AP3S1: variants seen among roughly 807,000 people sequenced by gnomAD.
AP3S1 encodes the protein AP-3 complex subunit sigma-1.
A neutral mutation model predicts 21.3 loss-of-function variants in AP3S1; 12 were observed. The ratio of observed to expected loss-of-function variants is 0.56; its 90% CI spans 0.36 to 0.91. The LOEUF (loss-of-function observed/expected upper bound fraction) is 0.91, where lower values mean the gene tolerates loss of function less well. AP3S1 is among the 40% of genes least tolerant of loss of function. AP3S1 has a pLI of 0.01. For missense variants in AP3S1, 116 were observed against 225.0 expected (o/e 0.52, Z 3.10); for synonymous variants, 48 against 78.4 (o/e 0.61, Z 2.05).
intron 3 of AP3S1, among the ~76,000 whole-genome samples, chr5:115,880,982 G>C (rs1749227628): frequency 6.6e-6 from 1 of 151,584 alleles, no homozygotes; most frequent in Admixed American, 6.6e-5. Flanking sequence ...GATCTTTGTT[G>C]GTTTAAAGTC....
intron 5 of AP3S1, among the ~76,000 whole-genome samples, chr5:115,905,411 A>G (rs1195896425): frequency 6.6e-6 from 1 of 152,226 alleles, no homozygotes; most frequent in East Asian, 1.9e-4. Flanking sequence ...ATCATCTCGC[A>G]TCATACATAA....
chr5:115,888,324 G>A (rs573264321), intron 3 of AP3S1, among the ~76,000 whole-genome samples: 4 of 151,964 alleles, frequency 2.6e-5, no homozygotes, highest in East Asian at 1.9e-4. Flanking sequence ...TAGAACCATC[G>A]AGACTCTAAT....
intron 4 of AP3S1, among the ~76,000 whole-genome samples, chr5:115,900,536 A>AT (rs969721475): frequency 6.0e-4 from 91 of 152,248 alleles, no homozygotes; most frequent in African/African-American, 2.0e-3. Flanking sequence ...AGGAGCCCTG[A>AT]TTCCTTTTTG....
At chr5:115,879,294 T>C (rs892492805) in intron 3 of AP3S1, among the ~76,000 whole-genome samples, 2 of 152,248 alleles carry the variant, frequency 1.3e-5, no homozygotes, top group African/African-American at 2.4e-5. Context: ...AAGGGAATGC[T>C]TCCAGCTTTT....
intron 3 of AP3S1, among the ~76,000 whole-genome samples, chr5:115,885,045 C>A (rs985339321): frequency 6.6e-6 from 1 of 152,218 alleles, no homozygotes; most frequent in African/African-American, 2.4e-5. Context: ...GAAGTCTGCA[C>A]TAACATGACG....
intron 2 of AP3S1, among the ~76,000 whole-genome samples, chr5:115,869,466 T>C (rs1748025741): frequency 6.6e-6 from 1 of 152,194 alleles, no homozygotes; most frequent in South Asian, 2.1e-4. Context: ...TACTAATCTT[T>C]TCTTATCTAC....
chr5:115,845,034 C>G (rs564456002), intron 1 of AP3S1, among the ~76,000 whole-genome samples: 2 of 152,300 alleles, frequency 1.3e-5, no homozygotes, highest in African/African-American at 4.8e-5. Flanking sequence ...TTCCTTCTAT[C>G]TCTTAAAATG....
In AP3S1 at chr5:115,870,186, A is replaced by G. The variant is rs936038012; in HGVS notation, c.273+58A>G. ...TAACAGTTTGACATTTAAATTTTTA[A>G]AAACTTATATATTCTAAATTTTCTA... On this transcript the variant is annotated intron_variant, in intron 3 of 5. Coordinates refer to ENST00000316788, the MANE Select transcript of AP3S1 (RefSeq NM_001284.4). 8 of 1,082,918 alleles carry G rather than the reference A, an allele frequency of 7.4e-6. No individual in the cohort carries two copies. The African/African-American group carries it at 1.1e-4, about 15-fold the overall frequency. The allele number at this position is 1,082,918 out of a possible 1,614,324, so 67.1% of individuals were successfully genotyped here.
At chr5:115,863,060 C>G (rs1763318968) in intron 1 of AP3S1, among the ~76,000 whole-genome samples, 1 of 152,002 alleles carries the variant, frequency 6.6e-6, no homozygotes, top group Non-Finnish European at 1.5e-5. Context: ...GTCAGGAGTT[C>G]GAGACCAGCC....
At chr5:115,893,202 G>A (rs1214670741) in intron 3 of AP3S1, among the ~76,000 whole-genome samples, 2 of 152,042 alleles carry the variant, frequency 1.3e-5, no homozygotes, top group Non-Finnish European at 2.9e-5. Flanking sequence ...TGCCACTAGC[G>A]ATGGTGGAAG....
chr5:115,859,071 A>G (rs58463583), intron 1 of AP3S1, among the ~76,000 whole-genome samples: 25,655 of 152,106 alleles, frequency 0.17, 3,002 homozygotes, highest in East Asian at 0.35. Flanking sequence ...CAGCTGTCCA[A>G]TAATCCTTGA....
intron 4 of AP3S1, among the ~76,000 whole-genome samples, chr5:115,900,816 C>T (rs1169705832): frequency 2.0e-5 from 3 of 152,136 alleles, no homozygotes; most frequent in Non-Finnish European, 4.4e-5. Context: ...TATGTATACA[C>T]GCACAGCTGT....
chr5:115,891,587 A>G (rs1354579348), intron 3 of AP3S1, among the ~76,000 whole-genome samples: 2 of 152,178 alleles, frequency 1.3e-5, no homozygotes, highest in African/African-American at 4.8e-5. Context: ...TACAAAGGAT[A>G]CAGATGGGTG....
chr5:115,887,792 C>T (rs989358622), intron 3 of AP3S1, among the ~76,000 whole-genome samples: 1 of 151,982 alleles, frequency 6.6e-6, no homozygotes, highest in African/African-American at 2.4e-5. Flanking sequence ...AGTTTGTGCT[C>T]TTGAGTACTA....
intron 3 of AP3S1, among the ~76,000 whole-genome samples, chr5:115,884,494 C>T (rs1013829481): frequency 2.2e-4 from 33 of 152,072 alleles, no homozygotes; most frequent in African/African-American, 6.5e-4. Flanking sequence ...GAACCCCAGG[C>T]GGGGAGGGGA....
intron 3 of AP3S1, among the ~76,000 whole-genome samples, chr5:115,889,929 G>A (rs1235654885): frequency 2.0e-5 from 3 of 152,136 alleles, no homozygotes; most frequent in African/African-American, 7.2e-5. Context: ...TATCAGAGAA[G>A]TACAAATTAA....
intron 1 of AP3S1, among the ~76,000 whole-genome samples, chr5:115,860,098 A>G (rs1157832805): frequency 6.6e-6 from 1 of 152,144 alleles, no homozygotes; most frequent in African/African-American, 2.4e-5. Context: ...TGTCTTTTCT[A>G]GCTCCTAGAG....
chr5:115,874,398 TTG>T, intron 3 of AP3S1, among the ~76,000 whole-genome samples: 1 of 152,196 alleles, frequency 6.6e-6, no homozygotes, highest in South Asian at 2.1e-4. Flanking sequence ...TTATAAGCAG[TTG>T]TATTGTCCTT....
In AP3S1 at chr5:115,896,551, G is replaced by A. The variant is rs148157963; in HGVS notation, c.345+1393G>A. On this transcript the variant is annotated intron_variant, in intron 4 of 5. Coordinates refer to ENST00000316788, the MANE Select transcript of AP3S1 (RefSeq NM_001284.4). ...CCCAGCAGTTTGGGAGGCTGAGGCC[G>A]GAGGATTGCTTGAGCCCAGGAGTTT... Among the ~76,000 whole-genome samples, 528 of 152,226 alleles carry A rather than the reference G, an allele frequency of 3.5e-3. 1 individual carries two copies. The highest frequency in any genetic ancestry group is 0.012 in the African/African-American group (502 of 41,514).
Sources: allele counts gnomAD v4.1 joint callset (sites outside exome capture counted in the v4.1 genomes callset), GRCh38; gene constraint gnomAD v4.1.1; transcripts MANE v1.5; gene names NCBI Gene and HGNC (gene_info 2026-07-23, HGNC 2026-07-21).